RFX6: variants seen among roughly 807,000 people sequenced by gnomAD.
RFX6 encodes DNA-binding protein RFX6.
Under a neutral mutation model 110.8 loss-of-function variants are expected in RFX6, and 50 were observed. The ratio of observed to expected loss-of-function variants is 0.45; its 90% CI spans 0.36 to 0.57. The LOEUF is 0.57. RFX6 is among the 20% of genes least tolerant of loss of function. RFX6 has a pLI of 0.00. For synonymous variants in RFX6, 383 were observed against 411.2 expected (o/e 0.93, Z 0.83); for missense variants, 990 against 1,127.0 (o/e 0.88, Z 1.74).
chr6:116,924,862 C>A, intron 15 of RFX6, 71 bp downstream of exon 15: 1 of 1,137,434 alleles, frequency 8.8e-7, no homozygotes, highest in South Asian at 1.3e-5. Flanking sequence ...TTTATAAGTT[C>A]AGATATTAAG....
chr6:116,882,580 AAAG>A (rs1208890990), intron 4 of RFX6, 152 bp downstream of exon 4: 81 of 623,996 alleles, frequency 1.3e-4, no homozygotes, highest in Non-Finnish European at 2.1e-4. Flanking sequence ...AAAAAAAAAA[AAAG>A]ATTTTAGAAT....
chr6:116,897,301 T>C (rs1774969239), intron 6 of RFX6, among the ~76,000 whole-genome samples: 1 of 152,100 alleles, frequency 6.6e-6, no homozygotes, highest in Non-Finnish European at 1.5e-5. Context: ...TGTAGGATGC[T>C]TAGTAGTATC....
chr6:116,899,438 T>G (rs1055866405), intron 6 of RFX6, among the ~76,000 whole-genome samples: 1 of 152,136 alleles, frequency 6.6e-6, no homozygotes, highest in Non-Finnish European at 1.5e-5. Flanking sequence ...TATCAAAATA[T>G]TATGACATGA....
At chr6:116,927,822 C>A (rs1336079719) in intron 17 of RFX6, among the ~76,000 whole-genome samples, 3 of 145,678 alleles carry the variant, frequency 2.1e-5, no homozygotes, top group Non-Finnish European at 4.5e-5. Flanking sequence ...TGATTCACTG[C>A]AGCCTCAAAC....
intron 6 of RFX6, among the ~76,000 whole-genome samples, chr6:116,896,705 C>T (rs1016352998): frequency 2.0e-5 from 1 of 50,382 alleles, no homozygotes; most frequent in Non-Finnish European, 4.2e-5. Flanking sequence ...GAGACCCTAT[C>T]TCAAAAAAAA....
At chr6:116,921,941 CA>C (rs1775607193) in intron 12 of RFX6, 100 bp from the exon 13 acceptor site, 1 of 678,938 alleles carries the variant, frequency 1.5e-6, no homozygotes, top group Non-Finnish European at 2.6e-6. Flanking sequence ...TTCATGCTAT[CA>C]AAGTATTGAT....
At chr6:116,929,273 A>G (rs1002538831) in intron 18 of RFX6, among the ~76,000 whole-genome samples, 2 of 152,206 alleles carry the variant, frequency 1.3e-5, no homozygotes, top group African/African-American at 4.8e-5. Context: ...AATGCAGTCT[A>G]AAACTGTAAG....
In RFX6 at chr6:116,877,480, C is replaced by A; in HGVS notation, c.205C>A (p.Pro69Thr). 6.4e-7 allele frequency: 1 copy of A among 1,559,884 alleles called. No individual in the cohort carries two copies. Among genetic ancestry groups the A allele is most frequent in the Non-Finnish European group, 8.7e-7 (1 of 1,151,448 alleles). The change falls in exon 1 of 19, where the codon CCG becomes ACG. Residue 69 changes from proline (P) to threonine (T), a missense_variant. By Grantham distance (38) the Pro-to-Thr change is conservative. Around this residue, in one of 5 missense-constraint regions of RFX6, gnomAD observed 175 missense variants for 162.3 expected, o/e 1.08. Transcript: ENST00000332958. ...GGAGAAAGGCGAAGACCCGGAGCTG[C>A]CGGGGGCAGTGAAATCAGGTGAGTG... ...GGEKGEDPEL[P>T]GAVKSEMHLN...
chr6:116,906,511 TA>T (rs59482087), intron 6 of RFX6, among the ~76,000 whole-genome samples: 2,208 of 152,280 alleles, frequency 0.014, 48 homozygotes, highest in African/African-American at 0.051. Flanking sequence ...TCTTTTTATT[TA>T]TTTATGTATT....
chr6:116,903,321 T>A (rs1017705317), intron 6 of RFX6, among the ~76,000 whole-genome samples: 3 of 152,074 alleles, frequency 2.0e-5, no homozygotes, highest in Non-Finnish European at 4.4e-5. Context: ...CACAAAATTA[T>A]TATTTACCAA....
chr6:116,922,340 T>C (rs996975362), intron 13 of RFX6, among the ~76,000 whole-genome samples, 189 bp downstream of exon 13: 10 of 152,254 alleles, frequency 6.6e-5, no homozygotes, highest in African/African-American at 9.6e-5. Flanking sequence ...TTTGAGAGCA[T>C]TGGGCATGGA....
intron 14 of RFX6, 65 bp from the exon 15 acceptor site, chr6:116,924,604 C>T: frequency 1.4e-6 from 2 of 1,439,790 alleles, no homozygotes; most frequent in Non-Finnish European, 2.0e-6. Flanking sequence ...TTTCCCTTTC[C>T]TTCTCTTTCT....
intron 4 of RFX6, among the ~76,000 whole-genome samples, chr6:116,892,651 C>A (rs1313714781): frequency 6.6e-6 from 1 of 152,132 alleles, no homozygotes; most frequent in African/African-American, 2.4e-5. Context: ...TCCCCACCAC[C>A]ATGTTCCCAT....
At chr6:116,917,548 T>C (rs528772400) in intron 9 of RFX6, among the ~76,000 whole-genome samples, 4 of 152,132 alleles carry the variant, frequency 2.6e-5, no homozygotes, top group South Asian at 2.1e-4. Context: ...ATTCAGTTTG[T>C]CCAAGAAATA....
intron 6 of RFX6, among the ~76,000 whole-genome samples, chr6:116,909,752 T>C (rs1775292626): frequency 7.3e-6 from 1 of 136,836 alleles, no homozygotes; most frequent in Admixed American, 7.3e-5. Flanking sequence ...TTTTTTTTTT[T>C]TTTTTTTTTT....
intron 4 of RFX6, among the ~76,000 whole-genome samples, chr6:116,883,034 C>T (rs1394317855): frequency 1.3e-5 from 2 of 152,116 alleles, no homozygotes; most frequent in African/African-American, 4.8e-5. Flanking sequence ...ATTTTCTATG[C>T]GTACTGTGTT....
At chr6:116,894,206 T>A in intron 5 of RFX6, 142 bp downstream of exon 5, 2 of 667,132 alleles carry the variant, frequency 3.0e-6, no homozygotes, top group Non-Finnish European at 5.5e-6. Flanking sequence ...TTTGTATGGA[T>A]GATTATATAA....
chr6:116,910,286 A>G (rs1775322795), intron 6 of RFX6, among the ~76,000 whole-genome samples: 1 of 152,128 alleles, frequency 6.6e-6, no homozygotes, highest in East Asian at 1.9e-4. Context: ...GGTTTCCTGT[A>G]AGTATACCAG....
chr6:116,883,310 C>G (rs1380742122), intron 4 of RFX6, among the ~76,000 whole-genome samples: 1 of 152,090 alleles, frequency 6.6e-6, no homozygotes, highest in Non-Finnish European at 1.5e-5. Flanking sequence ...ATACAGAAAA[C>G]TACCTCTATA....
Sources: allele counts gnomAD v4.1 joint callset (sites outside exome capture counted in the v4.1 genomes callset), GRCh38; gene constraint gnomAD v4.1.1; regional missense constraint gnomAD v4.1.1; transcripts MANE v1.5; gene names NCBI Gene and HGNC (gene_info 2026-07-23, HGNC 2026-07-21).